The following RIOK2 variants were observed in gnomAD, a reference collection of about 807,000 sequenced individuals.
RIOK2 encodes RIO kinase 2.
Under a neutral mutation model 62.4 loss-of-function variants are expected in RIOK2, and 46 were observed. The observed-to-expected ratio is 0.74, with a 90% confidence interval of 0.58 to 0.94. RIOK2 has a LOEUF of 0.94. Ranked by LOEUF, RIOK2 falls within the 40% of genes least tolerant of loss-of-function variation. The probability of loss-of-function intolerance (pLI) is 0.00; values close to 1 mark genes in which losing one functional copy is unlikely to be tolerated. For missense variants in RIOK2, 574 were observed against 658.0 expected, an observed-to-expected ratio of 0.87 and a Z score of 1.40; for synonymous variants, 197 against 216.0, an observed-to-expected ratio of 0.91 and a Z score of 0.77.
At position 97,167,818 on chromosome 5, in the gene RIOK2, C is replaced by G; in HGVS notation, c.1046G>C (p.Gly349Ala). Residue 349 changes from glycine (G) to alanine (A), a missense_variant, in exon 8 of 10, where the codon GGG becomes GCG. By Grantham distance (60) the Gly-to-Ala change is moderately conservative (BLOSUM62 0). Coordinates refer to ENST00000283109, the MANE Select transcript of RIOK2 (RefSeq NM_018343.3). ...GEVAEKAEVYGSENESERNCL... is the reference protein window; with the variant it reads ...GEVAEKAEVYASENESERNCL... Reference sequence around the variant, plus strand: ...GTTCCGTTCACTTTCATTTTCTGACCCGTAAACCTCTGCTTTTTCTGCCAC... The same window carrying G: ...GTTCCGTTCACTTTCATTTTCTGACGCGTAAACCTCTGCTTTTTCTGCCAC... The G allele has an allele frequency of 6.2e-7, 1 of 1,614,146 alleles. No homozygotes were observed. Among genetic ancestry groups the G allele is most frequent in the Non-Finnish European group, 8.5e-7 (1 of 1,180,014 alleles).
chr5:97,165,082 C>G lies in RIOK2; in HGVS notation c.1463G>C (p.Gly488Ala), dbSNP rs149380980. 488 of 1,589,750 alleles carry G rather than the reference C, an allele frequency of 3.1e-4. 2 individuals are homozygous for G. In the African/African-American group the frequency reaches 5.6e-3, roughly 18 times the overall value. The part of the protein sequence containing the change: ...RTRTLSITSS[G>A]SAVSCSTIPP... ...AATTGTTGAACAGCTTACAGCACTG[C>G]CTGAAGAAGTGATACTCAGAGTTCT... is the stretch of plus-strand genomic sequence containing the variant. Residue 488 changes from glycine (G) to alanine (A), a missense_variant, in exon 9 of 10, where the codon GGC becomes GCC. Physicochemically the swap from Gly to Ala is moderately conservative, Grantham distance 60 (BLOSUM62 0). Coordinates refer to ENST00000283109, the MANE Select transcript of RIOK2 (RefSeq NM_018343.3).
intron 1 of RIOK2, among the ~76,000 whole-genome samples, chr5:97,180,037 T>TATAAAA (rs1491356019): frequency 4.7e-5 from 3 of 63,470 alleles, no homozygotes; most frequent in African/African-American, 1.9e-4. Flanking sequence ...AATATATATA[T>TATAAAA]TATATATATA....
In RIOK2 at chr5:97,171,261, T is replaced by A. The variant is rs1292605592; in HGVS notation, c.724A>T (p.Ile242Phe). ...ATCTGTGGAAAATCAATCATGGTGA[T>A]ATGGTCACTTTCATCCAAAATGAGA... is the stretch of plus-strand genomic sequence containing the variant. ...FNLILDESDH[I>F]TMIDFPQMVS... The change falls in exon 6 of 10, where the codon ATC becomes TTC. Residue 242 changes from isoleucine (I) to phenylalanine (F), a missense_variant. Transcript: ENST00000283109. 6.2e-7 allele frequency: 1 copy of A among 1,604,352 alleles called. No individual in the cohort carries two copies. The highest frequency in any genetic ancestry group is 8.5e-7 in the Non-Finnish European group (1 of 1,175,052).
intron 7 of RIOK2, 73 bp from the exon 8 acceptor site, chr5:97,168,064 C>G (rs146452275): frequency 7.1e-7 from 1 of 1,411,056 alleles, no homozygotes; most frequent in African/African-American, 1.4e-5. Flanking sequence ...ATCTACTACT[C>G]TGATAAATTA....
chr5:97,163,597 C>A (rs1425323181), intron 9 of RIOK2, among the ~76,000 whole-genome samples: 1 of 152,062 alleles, frequency 6.6e-6, no homozygotes, highest in Non-Finnish European at 1.5e-5. Context: ...TGAATATATC[C>A]AAGAATGCCT....
At position 97,167,734 on chromosome 5, in the gene RIOK2, T is replaced by C; in HGVS notation, c.1130A>G (p.Lys377Arg). Residue 377 changes from lysine (K) to arginine (R), a missense_variant, in exon 8 of 10, where the codon AAG (lysine) becomes AGG (arginine). By Grantham distance (26) the Lys-to-Arg change is conservative. Coordinates refer to ENST00000283109, the MANE Select transcript of RIOK2 (RefSeq NM_018343.3). Reference protein sequence around the residue: ...CRSSGDPEQIKEDSLSEESAD... With the variant: ...CRSSGDPEQIREDSLSEESAD... ...ACTCTCTTCTGATAAACTGTCTTCC[T>C]TTATTTGTTCAGGGTCTCCAGATGA... 1 of 1,614,174 alleles carries C rather than the reference T, an allele frequency of 6.2e-7. No individual in the cohort carries two copies. The highest frequency in any genetic ancestry group is 1.3e-5 in the African/African-American group (1 of 75,080).
At chr5:97,180,038 T>TATATATATATTATATATATATATA (rs1368260284) in intron 1 of RIOK2, among the ~76,000 whole-genome samples, 20 of 47,372 alleles carry the variant, frequency 4.2e-4, no homozygotes, top group South Asian at 7.1e-4. Context: ...ATATATATAT[T>TATATATATATTATATATATATATA]ATATATATAT....
rs148140829 is a variant in RIOK2, at chr5:97,167,496, C to T, written c.1368G>A (p.Ser456=). 1.5e-5 allele frequency: 25 copies of T among 1,613,986 alleles called. No individual in the cohort carries two copies. The highest frequency in any genetic ancestry group is 9.3e-5 in the African/African-American group (7 of 74,926). The change falls in exon 8 of 10, where the codon TCG becomes TCA. Residue 456 remains serine, a synonymous_variant. Transcript: ENST00000283109. ...AAGGCCTGAATTCTCTATTTAATGA[C>T]GACAAGGCAATTAGATGAGGGCATT... is the stretch of plus-strand genomic sequence containing the variant. The part of the protein sequence containing the change: ...EDECPHLIAL[S]SLNREFRPFR...
chr5:97,167,860 G>A lies in RIOK2; in HGVS notation c.1004C>T (p.Ser335Leu), dbSNP rs200897705. ...TTCTGCCACTTCTCCATCTGAAAATGAGAATTCAGATCCCTCTTTTGTTTC... is the reference window on the plus strand; with the variant it reads ...TTCTGCCACTTCTCCATCTGAAAATAAGAATTCAGATCCCTCTTTTGTTTC... ...NIETKEGSEF[S>L]FSDGEVAEKA... Residue 335 changes from serine to leucine, a missense_variant, in exon 8 of 10, where the codon TCA (serine) becomes TTA (leucine). By Grantham distance (145) the Ser-to-Leu change is moderately radical. Coordinates refer to ENST00000283109, the MANE Select transcript of RIOK2 (RefSeq NM_018343.3). 61 of 1,613,946 alleles carry A rather than the reference G, an allele frequency of 3.8e-5. No homozygotes were observed. In the East Asian group the frequency reaches 1.2e-3, roughly 32 times the overall value.
rs888381664 is a variant in RIOK2, at chr5:97,167,985, T to C, written c.879A>G (p.Glu293=). 29 of 1,583,746 alleles carry C rather than the reference T, an allele frequency of 1.8e-5. No homozygotes were observed. The highest frequency in any genetic ancestry group is 2.5e-5 in the Non-Finnish European group (29 of 1,172,900). ...CAGAAACCTCCACATCAAGAGTGTC[T>C]TCTCTCCTAGAAAAAAAAGGCGTCA... ...LFPTFKDIRR[E]DTLDVEVSAS... Residue 293 remains glutamate (E), a synonymous_variant, in exon 8 of 10, where the codon GAA becomes GAG. Coordinates refer to ENST00000283109, the MANE Select transcript of RIOK2 (RefSeq NM_018343.3).
chr5:97,177,873 A>T, intron 2 of RIOK2, 25 bp from the exon 3 acceptor site: 1 of 1,428,534 alleles, frequency 7.0e-7, no homozygotes, highest in Non-Finnish European at 9.8e-7. Context: ...AAGCATAAAG[A>T]CCATATTTCA....
At chr5:97,182,721 C>A in intron 1 of RIOK2, 1 of 222,476 alleles carries the variant, frequency 4.5e-6, no homozygotes, top group South Asian at 5.6e-5. Flanking sequence ...CTGAATGAAT[C>A]AGAAAGACTG....
At chr5:97,168,672 G>C (rs1485155738) in intron 7 of RIOK2, 88 bp downstream of exon 7, 1 of 858,716 alleles carries the variant, frequency 1.2e-6, no homozygotes, top group Non-Finnish European at 1.7e-6. Flanking sequence ...AATTTGGAAA[G>C]TTTTTTAGAT....
chr5:97,177,656 A>G, intron 3 of RIOK2, 76 bp downstream of exon 3: 1 of 911,184 alleles, frequency 1.1e-6, no homozygotes, highest in Non-Finnish European at 1.7e-6. Flanking sequence ...GGGAAAATTA[A>G]AAGAGGAAAG....
intron 1 of RIOK2, among the ~76,000 whole-genome samples, chr5:97,182,351 C>A (rs1355511103): frequency 1.3e-5 from 2 of 152,228 alleles, no homozygotes; most frequent in Non-Finnish European, 2.9e-5. Context: ...GGCCTTTCCT[C>A]TCTTCAAAGA....
chr5:97,183,205 C>A lies in RIOK2; in HGVS notation c.-14G>T. 1 of 1,614,128 alleles carries A rather than the reference C, an allele frequency of 6.2e-7. No individual in the cohort carries two copies. Among genetic ancestry groups the A allele is most frequent in the Non-Finnish European group, 8.5e-7 (1 of 1,179,960 alleles). ...CACTTTCCCCATGGCGGCCCCAGTC[C>A]GAACCCAGATGCCTCTCCGACGACA... On this transcript the variant is annotated 5_prime_UTR_variant, in exon 1 of 10. Transcript: ENST00000283109.
chr5:97,180,005 T>TATATATATAAAATATATATATA (rs1749313077), intron 1 of RIOK2, among the ~76,000 whole-genome samples: 1 of 27,462 alleles, frequency 3.6e-5, no homozygotes, highest in Non-Finnish European at 7.3e-5. Flanking sequence ...ATATATATAT[T>TATATATATAAAATATATATATA]ATATATATAT....
intron 9 of RIOK2, among the ~76,000 whole-genome samples, chr5:97,164,573 A>G (rs1368478931): frequency 6.6e-6 from 1 of 152,110 alleles, no homozygotes; most frequent in Non-Finnish European, 1.5e-5. Flanking sequence ...TACCATTAAC[A>G]TGTACGTCCA....
rs200881072 is a variant in RIOK2 at position 97,178,802 on chromosome 5, G to C, written c.205+253C>G. 4.4e-5 allele frequency: 21 copies of C among 475,974 alleles called. No individual in the cohort carries two copies. The East Asian group carries it at 8.2e-4, about 19-fold the overall frequency. 29.5% of individuals were successfully genotyped at this position (475,974 alleles called of 1,614,324 possible). ...TACATGCTCTTCTGCAGTACTCTACGTGCTCTTCTGCAGTACCTACATGCT... is the reference window on the plus strand; with the variant it reads ...TACATGCTCTTCTGCAGTACTCTACCTGCTCTTCTGCAGTACCTACATGCT... On this transcript the variant is annotated intron_variant, in intron 2 of 9. Transcript: ENST00000283109.
Sources: allele counts gnomAD v4.1 joint callset (sites outside exome capture counted in the v4.1 genomes callset), GRCh38; gene constraint gnomAD v4.1.1; transcripts MANE v1.5; gene names NCBI Gene and HGNC (gene_info 2026-07-23, HGNC 2026-07-21).